The following AMD1 variants were observed in gnomAD, a reference collection of about 807,000 sequenced individuals.
The protein encoded by AMD1 is S-adenosylmethionine decarboxylase proenzyme.
In AMD1, 11 loss-of-function variants were observed where a neutral mutation model predicts 40.2. The ratio of observed to expected loss-of-function variants is 0.27; its 90% CI spans 0.17 to 0.45. The LOEUF is 0.45. Ranked by LOEUF, AMD1 falls within the 20% of genes least tolerant of loss-of-function variation. The probability of loss-of-function intolerance (pLI) is 1.00; values close to 1 mark genes in which losing one functional copy is unlikely to be tolerated. For missense variants in AMD1, 257 were observed against 410.2 expected, an observed-to-expected ratio of 0.63 and a Z score of 3.23; for synonymous variants, 121 against 130.8, an observed-to-expected ratio of 0.93 and a Z score of 0.51.
intron 1 of AMD1, among the ~76,000 whole-genome samples, chr6:110,884,594 C>T (rs1391834355): frequency 6.6e-6 from 1 of 152,108 alleles, no homozygotes; most frequent in Non-Finnish European, 1.5e-5. Context: ...CCACCACTCC[C>T]AGCTGCCTTT....
intron 8 of AMD1, 31 bp downstream of exon 8, chr6:110,893,096 A>G (rs1338148679): frequency 1.0e-5 from 16 of 1,551,520 alleles, no homozygotes; most frequent in African/African-American, 1.4e-5. Flanking sequence ...TAATCAGGTT[A>G]TTTGATTTTT....
the AMD1 span, among the ~76,000 whole-genome samples, chr6:110,865,003 G>T: frequency 6.6e-6 from 1 of 152,156 alleles, no homozygotes; most frequent in African/African-American, 2.4e-5. Flanking sequence ...AAAGGCAACC[G>T]AATACAAATG....
intron 1 of AMD1, among the ~76,000 whole-genome samples, chr6:110,883,883 G>A (rs1016166969): frequency 7.2e-5 from 11 of 152,056 alleles, no homozygotes; most frequent in Non-Finnish European, 1.3e-4. Context: ...GAGCCACTGC[G>A]CCCGGCCAAA....
the AMD1 span, chr6:110,815,256 C>T: frequency 9.5e-7 from 1 of 1,052,728 alleles, no homozygotes; most frequent in Non-Finnish European, 1.2e-6. Context: ...CGCGCGCGCG[C>T]GCCGCCCGCC....
the AMD1 span, among the ~76,000 whole-genome samples, chr6:110,860,831 A>ACC: frequency 8.0e-6 from 1 of 124,392 alleles, no homozygotes; most frequent in Admixed American, 8.3e-5. Flanking sequence ...CAAAACACCC[A>ACC]CCCACACACA....
At chr6:110,856,193 T>C in the AMD1 span, among the ~76,000 whole-genome samples, 1 of 152,188 alleles carries the variant, frequency 6.6e-6, no homozygotes, top group Non-Finnish European at 1.5e-5. Context: ...CACTACTCTC[T>C]CCACCTTTCT....
chr6:110,856,916 C>A, the AMD1 span, among the ~76,000 whole-genome samples: 3 of 152,148 alleles, frequency 2.0e-5, no homozygotes, highest in Non-Finnish European at 2.9e-5. Context: ...GTAATCCTAG[C>A]ACTTTGGGAG....
At chr6:110,862,526 T>C in the AMD1 span, among the ~76,000 whole-genome samples, 1 of 151,144 alleles carries the variant, frequency 6.6e-6, no homozygotes, top group Non-Finnish European at 1.5e-5. Context: ...GAGTGCAGTG[T>C]TGAGATCTGA....
the AMD1 span, chr6:110,815,239 T>TCCCG: frequency 8.7e-7 from 1 of 1,148,834 alleles, no homozygotes. Context: ...AACAGCCGCC[T>TCCCG]CTCGCGCGCG....
At chr6:110,874,560 A>G (rs1426704056), upstream of AMD1, among the ~76,000 whole-genome samples, 1 of 152,174 alleles carries the variant, frequency 6.6e-6, no homozygotes, top group Non-Finnish European at 1.5e-5. Flanking sequence ...CCAGCTGGAC[A>G]TCACAGCACC....
At chr6:110,831,590 C>T in the AMD1 span, among the ~76,000 whole-genome samples, 3 of 152,140 alleles carry the variant, frequency 2.0e-5, no homozygotes, top group African/African-American at 7.2e-5. Flanking sequence ...CCACCACGCC[C>T]AGCCTTGAGG....
chr6:110,822,145 G>T, the AMD1 span, among the ~76,000 whole-genome samples: 1 of 151,990 alleles, frequency 6.6e-6, no homozygotes, highest in Admixed American at 6.6e-5. Flanking sequence ...GGCCAAGGTG[G>T]CAGTGAGCCG....
At chr6:110,864,071 T>G in the AMD1 span, 25 of 235,776 alleles carry the variant, frequency 1.1e-4, no homozygotes, top group Admixed American at 6.0e-4. Context: ...GTGATTCTCC[T>G]GCCTCAGCCC....
At chr6:110,853,313 T>G in the AMD1 span, among the ~76,000 whole-genome samples, 23 of 85,148 alleles carry the variant, frequency 2.7e-4, no homozygotes, top group Admixed American at 2.3e-3. Context: ...GGGTTTTTTG[T>G]TTTTTTTTTT....
chr6:110,866,612 G>T, the AMD1 span, among the ~76,000 whole-genome samples: 1 of 152,122 alleles, frequency 6.6e-6, no homozygotes, highest in Non-Finnish European at 1.5e-5. Context: ...GAAAAGCTAT[G>T]TTCAGGTGTA....
At chr6:110,867,873 G>A in the AMD1 span, among the ~76,000 whole-genome samples, 5 of 152,306 alleles carry the variant, frequency 3.3e-5, no homozygotes, top group African/African-American at 1.2e-4. Context: ...AATTACTGAT[G>A]AAAATGAGTA....
chr6:110,825,085 C>G, the AMD1 span, among the ~76,000 whole-genome samples: 1 of 152,166 alleles, frequency 6.6e-6, no homozygotes, highest in Non-Finnish European at 1.5e-5. Flanking sequence ...CCAGATAGTA[C>G]TGATCTTCAA....
At chr6:110,838,148 G>T in the AMD1 span, among the ~76,000 whole-genome samples, 1 of 151,778 alleles carries the variant, frequency 6.6e-6, no homozygotes, top group African/African-American at 2.4e-5. Flanking sequence ...TAGCACTTTG[G>T]GAGGCCGAGG....
At chr6:110,828,669 A>G in the AMD1 span, among the ~76,000 whole-genome samples, 1 of 152,196 alleles carries the variant, frequency 6.6e-6, no homozygotes, top group Non-Finnish European at 1.5e-5. Context: ...GCCCTTCATC[A>G]TAAGTTTATG....
Sources: allele counts gnomAD v4.1 joint callset (sites outside exome capture counted in the v4.1 genomes callset), GRCh38; gene constraint gnomAD v4.1.1; transcripts MANE v1.5; gene names NCBI Gene and HGNC (gene_info 2026-07-23, HGNC 2026-07-21).